Variants in MCPH1 observed in about 807,000 individuals in gnomAD.
MCPH1 encodes the protein microcephalin 1.
Under a neutral mutation model 84.5 loss-of-function variants are expected in MCPH1, and 104 were observed. The observed-to-expected ratio is 1.23, with a 90% CI of 1.05 to 1.45. The LOEUF is 1.45. Ranked by LOEUF, MCPH1 falls within the 40% of genes most tolerant of loss-of-function variation. The pLI, the probability that MCPH1 is intolerant of heterozygous loss-of-function variation, is 0.00. For missense variants in MCPH1, 1,498 were observed against 1,005.7 expected (o/e 1.49, Z -6.62); for synonymous variants, 514 against 366.8 (o/e 1.40, Z -4.58).
Position 6,444,940 on chromosome 8 carries a change from C to A in MCPH1, c.1218C>A (p.Ser406Arg), listed in dbSNP as rs774338796. 1 of 1,614,160 alleles carries A rather than the reference C, an allele frequency of 6.2e-7. No homozygotes were observed. Among genetic ancestry groups the A allele is most frequent in the Non-Finnish European group, 8.5e-7 (1 of 1,180,026 alleles). Residue 406 changes from serine to arginine, a missense_variant, in exon 8 of 14, where the codon AGC (serine) becomes AGA (arginine). Ser to Arg is a moderately radical substitution (Grantham distance 110, BLOSUM62 -1). Coordinates refer to ENST00000344683, the MANE Select transcript of MCPH1 (RefSeq NM_024596.5). ...CGGGACCTGCCCTGGAGGCTCTTAGCTGTGGGGAGTCTTCATATGATGACT... is the reference window on the plus strand; with the variant it reads ...CGGGACCTGCCCTGGAGGCTCTTAGATGTGGGGAGTCTTCATATGATGACT... ...HVAGPALEAL[S>R]CGESSYDDYF...
At chr8:6,602,900 A>C (rs1829481281) in intron 12 of MCPH1, among the ~76,000 whole-genome samples, 1 of 152,084 alleles carries the variant, frequency 6.6e-6, no homozygotes, top group South Asian at 2.1e-4. Flanking sequence ...TGGTCTTAAA[A>C]TAGAAAATAT....
At chr8:6,543,916 T>G (rs1320585292) in intron 12 of MCPH1, among the ~76,000 whole-genome samples, 2 of 152,066 alleles carry the variant, frequency 1.3e-5, no homozygotes, top group South Asian at 4.1e-4. Flanking sequence ...TAACTCACAT[T>G]AGAAACACAG....
chr8:6,420,800 C>T (rs567118647), intron 3 of MCPH1, among the ~76,000 whole-genome samples: 2 of 152,108 alleles, frequency 1.3e-5, no homozygotes, highest in African/African-American at 2.4e-5. Flanking sequence ...TCCAAGTTAC[C>T]GGCAGCAAAC....
intron 12 of MCPH1, chr8:6,620,947 C>T (rs1831347384): frequency 5.6e-6 from 1 of 178,774 alleles, no homozygotes; most frequent in Non-Finnish European, 1.2e-5. Context: ...CTCACTCTCC[C>T]TTTCCCCGTC....
At chr8:6,524,519 A>C (rs778251285) in intron 12 of MCPH1, among the ~76,000 whole-genome samples, 1 of 152,234 alleles carries the variant, frequency 6.6e-6, no homozygotes, top group African/African-American at 2.4e-5. Context: ...TGTGAAATTG[A>C]CATACACGTT....
intron 3 of MCPH1, among the ~76,000 whole-genome samples, chr8:6,431,031 T>C (rs1801760353): frequency 6.6e-6 from 1 of 152,162 alleles, no homozygotes; most frequent in Non-Finnish European, 1.5e-5. Flanking sequence ...ACCTGGGCCT[T>C]GGGGCTGATG....
intron 12 of MCPH1, among the ~76,000 whole-genome samples, chr8:6,529,898 A>G (rs534885418): frequency 1.0e-4 from 15 of 150,128 alleles, no homozygotes; most frequent in African/African-American, 2.7e-4. Flanking sequence ...TTTTTAAATC[A>G]TATGACGCAA....
At chr8:6,475,753 G>T (rs530559540) in intron 9 of MCPH1, among the ~76,000 whole-genome samples, 2 of 152,120 alleles carry the variant, frequency 1.3e-5, no homozygotes, top group African/African-American at 4.8e-5. Context: ...TTTCCTGCAG[G>T]GAGTTTTAGT....
At position 6,647,185 on chromosome 8, in the gene MCPH1, T is replaced by G. The variant is rs1024685965; in HGVS notation, c.*4136T>G. The G allele has an allele frequency of 2.6e-5, 4 of 152,196 alleles. No homozygotes were observed. The highest frequency in any genetic ancestry group is 9.7e-5 in the African/African-American group (4 of 41,448). The allele number at this position is 152,196 out of a possible 1,614,324, so 9.4% of individuals were successfully genotyped here. ...AAGCACATTAAAATGCTCAATATTATTAGTCACTAGGGAAATACAAATTAA... is the reference window on the plus strand; with the variant it reads ...AAGCACATTAAAATGCTCAATATTAGTAGTCACTAGGGAAATACAAATTAA... On this transcript the variant is annotated 3_prime_UTR_variant, in exon 14 of 14. Coordinates refer to ENST00000344683, the MANE Select transcript of MCPH1 (RefSeq NM_024596.5).
intron 3 of MCPH1, among the ~76,000 whole-genome samples, chr8:6,428,478 C>T (rs984485753): frequency 2.6e-5 from 4 of 152,124 alleles, no homozygotes; most frequent in African/African-American, 9.7e-5. Flanking sequence ...AAAACATTTT[C>T]GTCACCTCAA....
chr8:6,625,873 A>AG, intron 13 of MCPH1: 1 of 985,408 alleles, frequency 1.0e-6, no homozygotes, highest in Non-Finnish European at 1.2e-6. Context: ...GTAAACTCAC[A>AG]GGGGGTGGAG....
chr8:6,472,706 A>C (rs1352904015), intron 9 of MCPH1, among the ~76,000 whole-genome samples: 2 of 152,090 alleles, frequency 1.3e-5, no homozygotes, highest in Non-Finnish European at 1.5e-5. Context: ...GACCTCAGGT[A>C]ATCCACCCGC....
intron 9 of MCPH1, among the ~76,000 whole-genome samples, chr8:6,458,493 A>C (rs1330525311): frequency 6.6e-6 from 1 of 151,896 alleles, no homozygotes; most frequent in Non-Finnish European, 1.5e-5. Context: ...AAAAGAAAAA[A>C]AAAAATTCCT....
chr8:6,631,549 A>G (rs1178350384), intron 13 of MCPH1, among the ~76,000 whole-genome samples: 1 of 152,146 alleles, frequency 6.6e-6, no homozygotes, highest in African/African-American at 2.4e-5. Context: ...AATGTCCAAT[A>G]GGCAAATGAA....
chr8:6,447,185 A>G (rs957053585), intron 8 of MCPH1: 3 of 985,286 alleles, frequency 3.0e-6, no homozygotes, highest in Non-Finnish European at 3.6e-6. Context: ...AGTAATAAAG[A>G]TTCATCAATG....
intron 12 of MCPH1, among the ~76,000 whole-genome samples, chr8:6,586,028 A>G (rs1394015227): frequency 6.6e-6 from 1 of 152,152 alleles, no homozygotes; most frequent in Non-Finnish European, 1.5e-5. Context: ...TGATGTGAAC[A>G]TGGCTCACTG....
At chr8:6,606,573 C>T (rs192845986) in intron 12 of MCPH1, among the ~76,000 whole-genome samples, 11 of 152,294 alleles carry the variant, frequency 7.2e-5, no homozygotes, top group African/African-American at 2.4e-4. Context: ...CTGCTTCCTG[C>T]CCCCTCCCAC....
chr8:6,503,326 C>G, intron 12 of MCPH1: 1 of 1,567,426 alleles, frequency 6.4e-7, no homozygotes, highest in Non-Finnish European at 8.7e-7. Context: ...ACGAAGACAG[C>G]AATACTCAGC....
chr8:6,592,623 G>GTT (rs573651366), intron 12 of MCPH1, among the ~76,000 whole-genome samples: 62 of 77,562 alleles, frequency 8.0e-4, no homozygotes, highest in Middle Eastern at 0.014. Flanking sequence ...TCTTTTTTTT[G>GTT]TTTTTTTTTT....
Sources: allele counts gnomAD v4.1 joint callset (sites outside exome capture counted in the v4.1 genomes callset), GRCh38; gene constraint gnomAD v4.1.1; transcripts MANE v1.5; gene names NCBI Gene and HGNC (gene_info 2026-07-23, HGNC 2026-07-21).